The following GPR176 variants were observed in gnomAD, a reference collection of about 807,000 sequenced individuals.
GPR176 encodes G-protein coupled receptor 176.
GPR176 carries 26 observed loss-of-function variants against 35.4 expected under a neutral mutation model. The observed-to-expected ratio is 0.74, with a 90% CI of 0.54 to 1.02. The LOEUF (loss-of-function observed/expected upper bound fraction) is 1.02. GPR176 is among the 50% of genes least tolerant of loss of function. GPR176 has a pLI of 0.00. For synonymous variants in GPR176, 278 were observed against 271.3 expected, an observed-to-expected ratio of 1.02 and a Z score of -0.24; for missense variants, 597 against 665.3, an observed-to-expected ratio of 0.90 and a Z score of 1.13.
At position 39,877,852 on chromosome 15, in the gene GPR176, G is replaced by A. The variant is rs185219666; in HGVS notation, c.172+42003C>T. 1.5e-4 allele frequency among the ~76,000 whole-genome samples: 23 copies of A among 152,042 alleles called. No homozygotes were observed. In the East Asian group the frequency reaches 1.9e-3, roughly 13 times the overall value. ...ACTGAGATTACAGGAGTGAGCCACC[G>A]CACCCTGCCCCAACTCCATGCTCTT... On this transcript the variant is annotated intron_variant, in intron 1 of 2. Transcript: ENST00000561100.
At chr15:39,825,114 C>T (rs906813370) in intron 1 of GPR176, among the ~76,000 whole-genome samples, 5 of 152,040 alleles carry the variant, frequency 3.3e-5, no homozygotes, top group Admixed American at 1.3e-4. Context: ...GGCTGAGATA[C>T]GAGGATCACT....
intron 1 of GPR176, among the ~76,000 whole-genome samples, chr15:39,903,348 G>C (rs966265059): frequency 2.0e-5 from 3 of 152,162 alleles, no homozygotes; most frequent in Admixed American, 1.3e-4. Flanking sequence ...TTCCTGTAGA[G>C]GTCATCTGAT....
chr15:39,848,754 G>A (rs2030627111), intron 1 of GPR176, among the ~76,000 whole-genome samples: 1 of 151,840 alleles, frequency 6.6e-6, no homozygotes, highest in South Asian at 2.1e-4. Flanking sequence ...CAAAGAATAT[G>A]TTGAACTTAA....
intron 1 of GPR176, chr15:39,829,277 G>C: frequency 7.0e-7 from 1 of 1,426,588 alleles, no homozygotes; most frequent in Middle Eastern, 1.9e-4. Flanking sequence ...CATCAGAATG[G>C]ATCAGGGAAA....
At chr15:39,806,362 A>G (rs1278138355) in intron 2 of GPR176, among the ~76,000 whole-genome samples, 1 of 152,246 alleles carries the variant, frequency 6.6e-6, no homozygotes, top group Non-Finnish European at 1.5e-5. Flanking sequence ...TAGAAAGGAG[A>G]AAGGCAGGAA....
At chr15:39,863,220 A>G (rs1248369725) in intron 1 of GPR176, among the ~76,000 whole-genome samples, 2 of 151,934 alleles carry the variant, frequency 1.3e-5, no homozygotes, top group African/African-American at 4.8e-5. Context: ...CTGGGACTAC[A>G]GGTGCACATC....
Position 39,801,047 on chromosome 15 carries a change from T to A in GPR176, c.*85A>T. On this transcript the variant is annotated 3_prime_UTR_variant, in exon 3 of 3. Coordinates refer to ENST00000561100, the MANE Select transcript of GPR176 (RefSeq NM_007223.3). ...CAACTCACACTGAGTTGCAAGGAGATCATACAATCACATGGCCACAGCATT... is the reference window on the plus strand; with the variant it reads ...CAACTCACACTGAGTTGCAAGGAGAACATACAATCACATGGCCACAGCATT... 1 of 1,154,214 alleles carries A rather than the reference T, an allele frequency of 8.7e-7. No homozygotes were observed. The highest frequency in any genetic ancestry group is 2.2e-5 in the Admixed American group (1 of 45,054). 71.5% of individuals were successfully genotyped at this position (1,154,214 alleles called of 1,614,324 possible). A position where few individuals can be genotyped will look rare whatever the true frequency, so the allele number is the denominator to read the frequency against.
chr15:39,824,153 C>T (rs1188216857), intron 1 of GPR176, among the ~76,000 whole-genome samples: 1 of 152,196 alleles, frequency 6.6e-6, no homozygotes, highest in East Asian at 1.9e-4. Context: ...CTCTGTGTCT[C>T]GCCATGTGAC....
chr15:39,863,122 C>T (rs909659385), intron 1 of GPR176, among the ~76,000 whole-genome samples: 6 of 149,950 alleles, frequency 4.0e-5, no homozygotes, highest in African/African-American at 1.2e-4. Context: ...TGCAGTGGTG[C>T]GATCTCGGCT....
Position 39,855,015 on chromosome 15 carries a change from C to CTGTT in GPR176, c.173-47758_173-47757insAACA, listed in dbSNP as rs1205598720. ...GCAGTCAGCTATGATCATGCCCCTG[C>CTGTT]ACTCCAGCCTGGGTAACAGAGTGAG... is the stretch of plus-strand genomic sequence containing the variant. On this transcript the variant is annotated intron_variant, in intron 1 of 2. Coordinates refer to ENST00000561100, the MANE Select transcript of GPR176 (RefSeq NM_007223.3). 2.2e-4 allele frequency among the ~76,000 whole-genome samples: 33 copies of CTGTT among 150,164 alleles called. No homozygotes were observed. The South Asian group carries it at 4.4e-3, about 20-fold the overall frequency.
chr15:39,911,351 T>A (rs2033572228), intron 1 of GPR176, among the ~76,000 whole-genome samples: 1 of 152,236 alleles, frequency 6.6e-6, no homozygotes, highest in Non-Finnish European at 1.5e-5. Context: ...AGTGCCAGCA[T>A]ACCTAAACAC....
At chr15:39,802,819 T>G (rs1898969170) in intron 2 of GPR176, among the ~76,000 whole-genome samples, 1 of 152,236 alleles carries the variant, frequency 6.6e-6, no homozygotes, top group Non-Finnish European at 1.5e-5. Context: ...AAGAATGGAC[T>G]CCGACAAGGT....
intron 1 of GPR176, among the ~76,000 whole-genome samples, chr15:39,818,467 T>C (rs1414145059): frequency 6.6e-6 from 1 of 152,244 alleles, no homozygotes; most frequent in African/African-American, 2.4e-5. Flanking sequence ...AGAATACTTG[T>C]TCCCAAAGAA....
chr15:39,913,801 C>G (rs534822600), intron 1 of GPR176, among the ~76,000 whole-genome samples: 11 of 152,338 alleles, frequency 7.2e-5, no homozygotes, highest in Non-Finnish European at 1.2e-4. Flanking sequence ...AATCCCAGCA[C>G]TTTGGGAGGC....
At chr15:39,843,587 T>C (rs2030187573) in intron 1 of GPR176, among the ~76,000 whole-genome samples, 1 of 127,388 alleles carries the variant, frequency 7.9e-6, no homozygotes, top group Non-Finnish European at 1.8e-5. Flanking sequence ...TCTCTGCCAG[T>C]GTAAGAGATT....
chr15:39,851,499 A>T (rs2030862915), intron 1 of GPR176, among the ~76,000 whole-genome samples: 1 of 152,156 alleles, frequency 6.6e-6, no homozygotes, highest in Non-Finnish European at 1.5e-5. Context: ...CTGAGGTCAG[A>T]CAAGGGTGCT....
intron 1 of GPR176, among the ~76,000 whole-genome samples, chr15:39,918,312 C>A (rs897049743): frequency 6.6e-6 from 1 of 152,168 alleles, no homozygotes; most frequent in South Asian, 2.1e-4. Flanking sequence ...GTCCTGTCTT[C>A]TACTTCAATA....
chr15:39,811,660 T>C lies in GPR176; in HGVS notation c.173-4402A>G, dbSNP rs371185005. Among the ~76,000 whole-genome samples the C allele has an allele frequency of 1.6e-4, 25 of 152,306 alleles. No individual in the cohort carries two copies. The East Asian group carries it at 1.7e-3, about 11-fold the overall frequency. On this transcript the variant is annotated intron_variant, in intron 1 of 2. Transcript: ENST00000561100. ...TTCGGGGTGTGGTGGCTCACACCTG[T>C]AATCCCAGCACTTTGGGAGGCCAAG...
chr15:39,919,775 G>A, intron 1 of GPR176, 80 bp downstream of exon 1: 3 of 1,169,344 alleles, frequency 2.6e-6, no homozygotes, highest in Non-Finnish European at 3.4e-6. Context: ...ACCCACGGCG[G>A]CTGGGCGGCC....
Sources: allele counts gnomAD v4.1 joint callset (sites outside exome capture counted in the v4.1 genomes callset), GRCh38; gene constraint gnomAD v4.1.1; transcripts MANE v1.5; gene names NCBI Gene and HGNC (gene_info 2026-07-23, HGNC 2026-07-21).